The following MVB12B variants were observed in gnomAD, a reference collection of about 807,000 sequenced individuals.
The protein encoded by MVB12B is multivesicular body subunit 12B.
MVB12B carries 16 observed loss-of-function variants against 41.6 expected under a neutral mutation model. The ratio of observed to expected loss-of-function variants is 0.38; its 90% CI spans 0.26 to 0.58. MVB12B has a LOEUF of 0.58. Among genes scored for constraint, MVB12B ranks in the 20% least tolerant of loss-of-function variants. The pLI is 0.62. For missense variants in MVB12B, 274 were observed against 380.2 expected (o/e 0.72, Z 2.32); for synonymous variants, 133 against 139.7 (o/e 0.95, Z 0.34).
chr9:126,360,200 G>A (rs1429448518), intron 2 of MVB12B, among the ~76,000 whole-genome samples: 1 of 152,064 alleles, frequency 6.6e-6, no homozygotes, highest in Non-Finnish European at 1.5e-5. Flanking sequence ...TTAGATGTGT[G>A]GTTTTTTGTT....
At chr9:126,399,536 C>T (rs1483190759) in intron 6 of MVB12B, among the ~76,000 whole-genome samples, 1 of 152,202 alleles carries the variant, frequency 6.6e-6, no homozygotes, top group African/African-American at 2.4e-5. Context: ...ACCTTCCTGG[C>T]CTCTATCAGA....
chr9:126,437,524 G>A (rs1323885956), intron 7 of MVB12B, among the ~76,000 whole-genome samples: 1 of 152,202 alleles, frequency 6.6e-6, no homozygotes, highest in East Asian at 1.9e-4. Flanking sequence ...AGCTTATGAA[G>A]TGACAGGTGA....
At chr9:126,447,101 T>C (rs1832792076) in intron 7 of MVB12B, among the ~76,000 whole-genome samples, 1 of 151,548 alleles carries the variant, frequency 6.6e-6, no homozygotes, top group African/African-American at 2.4e-5. Context: ...CGCACCACTA[T>C]GCCTGGCTAA....
At chr9:126,335,979 G>A (rs551876163) in intron 1 of MVB12B, among the ~76,000 whole-genome samples, 30 of 152,370 alleles carry the variant, frequency 2.0e-4, no homozygotes, top group East Asian at 3.9e-4. Context: ...GAGCAGCAGC[G>A]CTGGCTGGCG....
intron 9 of MVB12B, among the ~76,000 whole-genome samples, chr9:126,494,698 T>C (rs4260977): frequency 0.26 from 39,989 of 152,072 alleles, 6,455 homozygotes; most frequent in African/African-American, 0.46. Flanking sequence ...GGGCACCTTT[T>C]CAGAGCACCT....
intron 2 of MVB12B, among the ~76,000 whole-genome samples, chr9:126,359,188 C>A (rs923867240): frequency 6.6e-6 from 1 of 151,848 alleles, no homozygotes; most frequent in Non-Finnish European, 1.5e-5. Flanking sequence ...CTCTTTTAAT[C>A]ATTTAATATA....
In MVB12B at chr9:126,498,328, G is replaced by C. The variant is rs369877019; in HGVS notation, c.874-4849G>C. ...TACAGAATCTCCCCCACCTCTCCCT[G>C]CCTGTGCTAGGGCCAGGCCCATCCG... On this transcript the variant is annotated intron_variant, in intron 9 of 9. Coordinates refer to ENST00000361171, the MANE Select transcript of MVB12B (RefSeq NM_033446.3). Among the ~76,000 whole-genome samples the C allele has an allele frequency of 4.5e-4, 68 of 152,150 alleles. 1 individual carries two copies. Among genetic ancestry groups the C allele is most frequent in the Non-Finnish European group, 9.1e-4 (62 of 68,020 alleles).
At chr9:126,397,227 C>T in intron 6 of MVB12B, 3 of 985,508 alleles carry the variant, frequency 3.0e-6, no homozygotes, top group Non-Finnish European at 3.6e-6. Flanking sequence ...TGGGCACCAC[C>T]TCAGGCAGGT....
chr9:126,328,325 C>G (rs1829038652), intron 1 of MVB12B, among the ~76,000 whole-genome samples: 1 of 152,150 alleles, frequency 6.6e-6, no homozygotes, highest in Non-Finnish European at 1.5e-5. Context: ...TAAACCTAAA[C>G]TTACCTTCTG....
chr9:126,364,248 G>A (rs1213791232), intron 2 of MVB12B, among the ~76,000 whole-genome samples: 2 of 152,202 alleles, frequency 1.3e-5, no homozygotes, highest in Non-Finnish European at 2.9e-5. Flanking sequence ...TAGGCACGAG[G>A]ACCAGTTTAT....
chr9:126,402,304 G>A (rs1277049987), intron 6 of MVB12B, among the ~76,000 whole-genome samples: 1 of 152,168 alleles, frequency 6.6e-6, no homozygotes, highest in Non-Finnish European at 1.5e-5. Context: ...GGGGGCAGGT[G>A]AGCTAAGCAA....
At position 126,506,912 on chromosome 9, in the gene MVB12B, C is replaced by T. The variant is rs149859656; in HGVS notation, c.*3649C>T. On this transcript the variant is annotated 3_prime_UTR_variant, in exon 10 of 10. Transcript: ENST00000361171. ...CTGTGTCAGGCCTGGACAAGGAAGACCCTTAGGGATGACGTCCCCGCTGCA... is the reference window on the plus strand; with the variant it reads ...CTGTGTCAGGCCTGGACAAGGAAGATCCTTAGGGATGACGTCCCCGCTGCA... 58 of 152,770 alleles carry T rather than the reference C, an allele frequency of 3.8e-4. 1 individual carries two copies. Among genetic ancestry groups the T allele is most frequent in the African/African-American group, 1.4e-3 (58 of 41,574 alleles). The allele number at this position is 152,770 out of a possible 1,614,324, so 9.5% of individuals were successfully genotyped here.
At chr9:126,462,281 G>T (rs1268613529) in intron 7 of MVB12B, among the ~76,000 whole-genome samples, 1 of 152,198 alleles carries the variant, frequency 6.6e-6, no homozygotes, top group Non-Finnish European at 1.5e-5. Context: ...GCAGGCCAGG[G>T]TATTGGAAGT....
chr9:126,450,923 G>C (rs1209338739), intron 7 of MVB12B, among the ~76,000 whole-genome samples: 1 of 152,224 alleles, frequency 6.6e-6, no homozygotes, highest in Non-Finnish European at 1.5e-5. Flanking sequence ...CAGCCCTGCA[G>C]GTGCAGACCA....
At chr9:126,345,804 C>T (rs1325748925) in intron 2 of MVB12B, among the ~76,000 whole-genome samples, 1 of 152,230 alleles carries the variant, frequency 6.6e-6, no homozygotes, top group Non-Finnish European at 1.5e-5. Flanking sequence ...TTCTGAAATG[C>T]CTATACCCAG....
intron 7 of MVB12B, among the ~76,000 whole-genome samples, chr9:126,429,380 G>A (rs932523089): frequency 2.6e-5 from 4 of 152,200 alleles, no homozygotes; most frequent in Non-Finnish European, 5.9e-5. Context: ...GGTTTGCTCC[G>A]TACACAACCA....
chr9:126,402,982 G>A (rs1269876326), intron 6 of MVB12B, among the ~76,000 whole-genome samples: 1 of 152,238 alleles, frequency 6.6e-6, no homozygotes, highest in African/African-American at 2.4e-5. Context: ...CCCTGTCTCA[G>A]AGACGAGCCC....
chr9:126,501,270 G>T (rs1253540777), intron 9 of MVB12B, among the ~76,000 whole-genome samples: 1 of 152,216 alleles, frequency 6.6e-6, no homozygotes, highest in Non-Finnish European at 1.5e-5. Flanking sequence ...GGCGGGCCCT[G>T]ATCTACCATC....
intron 8 of MVB12B, 103 bp downstream of exon 8, chr9:126,481,527 G>A (rs1015623182): frequency 3.2e-5 from 27 of 844,740 alleles, no homozygotes; most frequent in Admixed American, 5.9e-5. Flanking sequence ...CAGTACTCAC[G>A]CCCCTTCCCC....
Sources: allele counts gnomAD v4.1 joint callset (sites outside exome capture counted in the v4.1 genomes callset), GRCh38; gene constraint gnomAD v4.1.1; transcripts MANE v1.5; gene names NCBI Gene and HGNC (gene_info 2026-07-23, HGNC 2026-07-21).